NOTCH2: variants seen among roughly 807,000 people sequenced by gnomAD.
The protein encoded by NOTCH2 is neurogenic locus notch homolog protein 2.
NOTCH2 carries 29 observed loss-of-function variants against 235.8 expected under a neutral mutation model. The observed-to-expected ratio is 0.12, with a 90% CI of 0.09 to 0.17. The LOEUF (loss-of-function observed/expected upper bound fraction) is 0.17. Ranked by LOEUF, NOTCH2 falls within the 10% of genes least tolerant of loss-of-function variation. The pLI, the probability that NOTCH2 is intolerant of heterozygous loss-of-function variation, is 1.00. For missense variants in NOTCH2, 2,285 were observed against 3,150.2 expected (o/e 0.73, Z 6.57); for synonymous variants, 1,086 against 1,141.5 (o/e 0.95, Z 0.98).
At position 119,948,578 on chromosome 1, in the gene NOTCH2, G is replaced by A; in HGVS notation, c.2600-12C>T. 1 of 1,614,072 alleles carries A rather than the reference G, an allele frequency of 6.2e-7. No homozygotes were observed. Among genetic ancestry groups the A allele is most frequent in the South Asian group, 1.1e-5 (1 of 91,074 alleles). ...GGTACACCGCTGACCTAGGAACACAGGGCCAATAAATGACCTAGTCCTTGG... is the reference window on the plus strand; with the variant it reads ...GGTACACCGCTGACCTAGGAACACAAGGCCAATAAATGACCTAGTCCTTGG... On this transcript the variant is annotated splice_polypyrimidine_tract_variant and intron_variant, in intron 16 of 33. Transcript: ENST00000256646.
intron 5 of NOTCH2, among the ~76,000 whole-genome samples, chr1:119,979,843 T>C (rs1296097226): frequency 3.9e-5 from 6 of 152,196 alleles, no homozygotes; most frequent in Admixed American, 3.9e-4. Flanking sequence ...ATGAGAAGTA[T>C]GCTAATTCCT....
intron 5 of NOTCH2, among the ~76,000 whole-genome samples, chr1:119,970,128 A>G (rs1228995953): frequency 6.6e-6 from 1 of 152,148 alleles, no homozygotes; most frequent in African/African-American, 2.4e-5. Flanking sequence ...AGGAACCTAT[A>G]TGCCAAACAT....
intron 5 of NOTCH2, among the ~76,000 whole-genome samples, chr1:119,972,175 CAG>C (rs1651391156): frequency 6.6e-6 from 1 of 151,854 alleles, no homozygotes; most frequent in East Asian, 1.9e-4. Flanking sequence ...GTGAAGGAAT[CAG>C]AGAGTGAAGG....
chr1:120,015,359 G>A (rs1446558944), intron 2 of NOTCH2, among the ~76,000 whole-genome samples: 35 of 152,192 alleles, frequency 2.3e-4, no homozygotes, highest in Non-Finnish European at 3.5e-4. Flanking sequence ...CTAGAGGGGG[G>A]AGCTGTCGTT....
chr1:119,966,903 G>C (rs60540199), intron 8 of NOTCH2, among the ~76,000 whole-genome samples: 8 of 152,168 alleles, frequency 5.3e-5, no homozygotes, highest in Non-Finnish European at 8.8e-5. Flanking sequence ...AGGCTGGAGT[G>C]GCCGGCAGCC....
intron 2 of NOTCH2, among the ~76,000 whole-genome samples, chr1:120,007,633 T>C (rs1653031685): frequency 6.6e-6 from 1 of 151,722 alleles, no homozygotes; most frequent in South Asian, 2.1e-4. Flanking sequence ...GAGGTTGCAG[T>C]GAGCCAACGA....
chr1:119,989,349 C>T (rs1197778453), intron 4 of NOTCH2, among the ~76,000 whole-genome samples: 1 of 151,880 alleles, frequency 6.6e-6, no homozygotes, highest in Non-Finnish European at 1.5e-5. Flanking sequence ...CAAAATGGAT[C>T]GGAGACCTAA....
chr1:119,996,907 G>C (rs2746768), intron 4 of NOTCH2, 90 bp downstream of exon 4: 27 of 1,501,828 alleles, frequency 1.8e-5, no homozygotes, highest in South Asian at 3.5e-5. Flanking sequence ...TTTTTCCTTG[G>C]GCTTCCTAAA....
intron 12 of NOTCH2, among the ~76,000 whole-genome samples, chr1:119,956,475 C>T (rs1650706621): frequency 6.6e-6 from 1 of 152,174 alleles, no homozygotes; most frequent in South Asian, 2.1e-4. Context: ...TTTCACCCTC[C>T]ATTGCTCTCT....
At chr1:120,011,094 T>C (rs1653172941) in intron 2 of NOTCH2, among the ~76,000 whole-genome samples, 1 of 152,154 alleles carries the variant, frequency 6.6e-6, no homozygotes, top group Non-Finnish European at 1.5e-5. Context: ...AGTAGATTAG[T>C]GTTGCCAGGA....
intron 2 of NOTCH2, among the ~76,000 whole-genome samples, chr1:120,014,801 G>A (rs1426336288): frequency 4.2e-4 from 51 of 120,858 alleles, no homozygotes; most frequent in African/African-American, 1.3e-3. Flanking sequence ...ATAGCCACTC[G>A]TCTACAGAAA....
At chr1:119,984,981 G>A (rs1274753774) in intron 5 of NOTCH2, among the ~76,000 whole-genome samples, 1 of 152,094 alleles carries the variant, frequency 6.6e-6, no homozygotes. Context: ...GGAAACCCTA[G>A]AGAAAAGGAA....
rs1652486654 is a variant in NOTCH2 at position 119,997,020 on chromosome 1, G to A, written c.728C>T (p.Thr243Ile). ...GGTCRQTGDFTFECNCLPGFE... is the reference protein window; with the variant it reads ...GGTCRQTGDFIFECNCLPGFE... ...ACCTGGAAGGCAGTTGCACTCAAAA[G>A]TGAAGTCACCAGTCTGCCGACAGGT... Residue 243 changes from threonine (T) to isoleucine (I), a missense_variant, in exon 4 of 34, where the codon ACT (threonine) becomes ATT (isoleucine). Around this residue, in one of 6 missense-constraint regions of NOTCH2, gnomAD observed 431 missense variants for 757.8 expected, o/e 0.57. Transcript: ENST00000256646. 6.2e-7 allele frequency: 1 copy of A among 1,613,860 alleles called. No homozygotes were observed. The highest frequency in any genetic ancestry group is 8.5e-7 in the Non-Finnish European group (1 of 1,179,866).
intron 12 of NOTCH2, among the ~76,000 whole-genome samples, chr1:119,955,607 T>C (rs1329640559): frequency 6.6e-6 from 1 of 152,240 alleles, no homozygotes; most frequent in African/African-American, 2.4e-5. Flanking sequence ...TTCATTAACA[T>C]GCTTTGTGCC....
intron 15 of NOTCH2, 45 bp from the exon 16 acceptor site, chr1:119,949,171 A>C (rs1216954279): frequency 1.2e-6 from 2 of 1,612,742 alleles, no homozygotes; most frequent in Non-Finnish European, 1.7e-6. Flanking sequence ...ACAGGTAAGA[A>C]AACGAAAATT....
intron 25 of NOTCH2, among the ~76,000 whole-genome samples, chr1:119,924,749 G>A (rs1649412812): frequency 6.6e-6 from 1 of 152,338 alleles, no homozygotes; most frequent in African/African-American, 2.4e-5. Context: ...TCTCACCTAT[G>A]AAAGAATGTT....
intron 1 of NOTCH2, among the ~76,000 whole-genome samples, chr1:120,033,410 C>CAAAAAAAAAA (rs1221514390): frequency 3.6e-4 from 4 of 11,234 alleles, no homozygotes; most frequent in African/African-American, 4.2e-4. Context: ...GACTCCATCT[C>CAAAAAAAAAA]AAAAAAAAAA....
At chr1:119,972,915 TGGAGGAG>T (rs1651421500) in intron 5 of NOTCH2, among the ~76,000 whole-genome samples, 1 of 152,100 alleles carries the variant, frequency 6.6e-6, no homozygotes, top group Non-Finnish European at 1.5e-5. Flanking sequence ...GTGGACAGGA[TGGAGGAG>T]GTGAGGACTC....
intron 29 of NOTCH2, among the ~76,000 whole-genome samples, chr1:119,920,987 T>C (rs939342477): frequency 6.6e-6 from 1 of 152,224 alleles, no homozygotes; most frequent in Non-Finnish European, 1.5e-5. Flanking sequence ...ATAAGGCACA[T>C]ATGCCAACAC....
Sources: gnomAD v4.1 joint callset for allele counts (sites outside exome capture counted in the v4.1 genomes callset) on GRCh38, gnomAD v4.1.1 for gene constraint, gnomAD v4.1.1 regional missense constraint, MANE v1.5 for transcripts, NCBI Gene and HGNC (gene_info 2026-07-23, HGNC 2026-07-21) for gene names.